Variants in DOK7 observed in about 807,000 individuals in gnomAD.
DOK7 encodes the protein docking protein 7.
Under a neutral mutation model 30.7 loss-of-function variants are expected in DOK7, and 32 were observed. The observed-to-expected ratio is 1.04, with a 90% CI of 0.79 to 1.40. DOK7 has a LOEUF of 1.40. DOK7 is among the 40% of genes most tolerant of loss of function. DOK7 has a pLI of 0.00. For missense variants in DOK7, 1,007 were observed against 699.2 expected, an observed-to-expected ratio of 1.44 and a Z score of -4.97; for synonymous variants, 447 against 324.1, an observed-to-expected ratio of 1.38 and a Z score of -4.07.
chr4:3,482,785 C>G (rs1050474940), intron 4 of DOK7, among the ~76,000 whole-genome samples: 1 of 152,216 alleles, frequency 6.6e-6, no homozygotes, highest in African/African-American at 2.4e-5. Context: ...CTATGTCTTT[C>G]CACCCAAGGC....
In DOK7 at chr4:3,492,751, T is replaced by C; in HGVS notation, c.773-8T>C. 3 of 1,612,198 alleles carry C rather than the reference T, an allele frequency of 1.9e-6. No individual in the cohort carries two copies. The highest frequency in any genetic ancestry group is 2.5e-6 in the Non-Finnish European group (3 of 1,179,942). ...CCACAACTGCCTTGGCTTCCTGCTCTGTCTCAGGGGATGACCGCAGCCTGT... is the reference window on the plus strand; with the variant it reads ...CCACAACTGCCTTGGCTTCCTGCTCCGTCTCAGGGGATGACCGCAGCCTGT... On this transcript the variant is annotated splice_polypyrimidine_tract_variant and splice_region_variant and intron_variant, in intron 6 of 6. Transcript: ENST00000340083.
At position 3,476,366 on chromosome 4, in the gene DOK7, C is replaced by T. The variant is rs1375649485; in HGVS notation, c.356C>T (p.Ala119Val). ...GEVHRFHVTV[A>V]PGTKLESGPA... is the part of the protein sequence containing the mutation. ...GTGCATAGGTTCCATGTGACAGTGG[C>T]TCCAGGCACCAAGTTGGAGAGCGGC... The change falls in exon 4 of 7, where the codon GCT becomes GTT. Residue 119 changes from alanine (A) to valine (V), a missense_variant. By Grantham distance (64) the Ala-to-Val change is moderately conservative. Coordinates refer to ENST00000340083, the MANE Select transcript of DOK7 (RefSeq NM_173660.5). 3 of 1,611,374 alleles carry T rather than the reference C, an allele frequency of 1.9e-6. No homozygotes were observed. Among genetic ancestry groups the T allele is most frequent in the East Asian group, 2.2e-5 (1 of 44,800 alleles).
chr4:3,490,356 CTCAT>C (rs1352923506), intron 6 of DOK7, among the ~76,000 whole-genome samples: 1 of 130,448 alleles, frequency 7.7e-6, no homozygotes, highest in Non-Finnish European at 1.6e-5. Context: ...TTTCCCCACA[CTCAT>C]TCATTCCTTC....
chr4:3,473,783 C>CT (rs1281695955), intron 3 of DOK7, 147 bp downstream of exon 3: 41 of 820,254 alleles, frequency 5.0e-5, no homozygotes, highest in Non-Finnish European at 6.7e-5. Context: ...GTGGACTGAG[C>CT]TCCAGCCTGG....
rs761573993 is a variant in DOK7, at chr4:3,493,478, C to G, written c.1492C>G (p.Leu498Val). 3.1e-6 allele frequency: 5 copies of G among 1,611,234 alleles called. No individual in the cohort carries two copies. The South Asian group carries it at 5.5e-5, about 18-fold the overall frequency. Residue 498 changes from leucine to valine, a missense_variant, in exon 7 of 7, where the codon CTC becomes GTC. Leu to Val is a conservative substitution (Grantham distance 32). Transcript: ENST00000340083. ...TTCGGCATGTCCAGTCTGTGGAGGA[C>G]TCAAGGTAAACCCCCCTCCTTGAGA... Reference protein sequence around the residue: ...FFSACPVCGGLKVNPPP With the variant: ...FFSACPVCGGVKVNPPP
At chr4:3,500,537 T>G in intron 7 of DOK7, 2 of 1,470,850 alleles carry the variant, frequency 1.4e-6, no homozygotes, top group South Asian at 1.3e-5. Flanking sequence ...AGGAGGCAAA[T>G]GTCCCCAACT....
chr4:3,486,241 G>A (rs1727781374), intron 5 of DOK7, among the ~76,000 whole-genome samples: 1 of 152,232 alleles, frequency 6.6e-6, no homozygotes, highest in Non-Finnish European at 1.5e-5. Context: ...GGCCAGGGAT[G>A]TTGCTGGACC....
At chr4:3,486,322 C>T (rs915339398) in intron 5 of DOK7, among the ~76,000 whole-genome samples, 1 of 152,254 alleles carries the variant, frequency 6.6e-6, no homozygotes, top group African/African-American at 2.4e-5. Flanking sequence ...CAGGTGCCTC[C>T]ATGGGCTCTC....
chr4:3,475,921 C>G (rs1195396744), intron 3 of DOK7, among the ~76,000 whole-genome samples: 1 of 152,072 alleles, frequency 6.6e-6, no homozygotes, highest in Non-Finnish European at 1.5e-5. Context: ...AAAGATAGTT[C>G]CTGGGAGGAT....
intron 4 of DOK7, among the ~76,000 whole-genome samples, chr4:3,478,142 G>A (rs990488237): frequency 5.9e-5 from 9 of 152,296 alleles, no homozygotes; most frequent in African/African-American, 1.9e-4. Context: ...TCCTTGGCAC[G>A]GGCAGGCAGC....
intron 2 of DOK7, among the ~76,000 whole-genome samples, chr4:3,466,901 G>A (rs1045475224): frequency 2.0e-5 from 3 of 152,200 alleles, no homozygotes; most frequent in Non-Finnish European, 2.9e-5. Flanking sequence ...TTTCCTTCCC[G>A]AACCAGATTG....
downstream of DOK7, among the ~76,000 whole-genome samples, chr4:3,499,280 G>GGGGTGGGGAGGTCACTGT (rs1422437353): frequency 1.3e-5 from 2 of 152,224 alleles, no homozygotes; most frequent in African/African-American, 2.4e-5. Context: ...GAGTGTGCTG[G>GGGGTGGGGAGGTCACTGT]GGGTGGGGAG....
chr4:3,479,952 T>C (rs570734827), intron 4 of DOK7, among the ~76,000 whole-genome samples: 1 of 152,362 alleles, frequency 6.6e-6, no homozygotes, highest in African/African-American at 2.4e-5. Flanking sequence ...AGCTCAGGTC[T>C]GCAGGCTCCA....
chr4:3,465,080 A>C (rs1726193772), intron 2 of DOK7, among the ~76,000 whole-genome samples: 1 of 152,216 alleles, frequency 6.6e-6, no homozygotes, highest in African/African-American at 2.4e-5. Flanking sequence ...AGGTGTCCCT[A>C]GCACCCACTG....
intron 2 of DOK7, 22 bp downstream of exon 2, chr4:3,463,573 CG>C (rs1287862196): frequency 1.3e-5 from 4 of 315,002 alleles, no homozygotes; most frequent in South Asian, 2.8e-5. Flanking sequence ...GGGCGGGGGA[CG>C]GGGGGCGCGG....
chr4:3,468,751 T>A (rs1726517534), intron 2 of DOK7, among the ~76,000 whole-genome samples: 1 of 110,582 alleles, frequency 9.0e-6, no homozygotes, highest in South Asian at 3.0e-4. Flanking sequence ...TGTATGTGTC[T>A]GTGTGCGTGT....
At position 3,476,121 on chromosome 4, in the gene DOK7, C is replaced by T. The variant is rs112795540; in HGVS notation, c.332-221C>T. ...CACCTGTCCACAGTGGCCCCTGTTG[C>T]CTCCTCTCATGATGCCCTCTCGCCC... is the stretch of plus-strand genomic sequence containing the variant. On this transcript the variant is annotated intron_variant, in intron 3 of 6. Coordinates refer to ENST00000340083, the MANE Select transcript of DOK7 (RefSeq NM_173660.5). Among the ~76,000 whole-genome samples the T allele has an allele frequency of 0.033, 4,081 of 124,804 alleles. 73 individuals are homozygous for T. The highest frequency in any genetic ancestry group is 0.04 in the Non-Finnish European group (2,160 of 54,282). 81.9% of individuals were successfully genotyped at this position (124,804 alleles called of 152,430 possible).
At chr4:3,466,879 C>T (rs1417836745) in intron 2 of DOK7, among the ~76,000 whole-genome samples, 1 of 152,216 alleles carries the variant, frequency 6.6e-6, no homozygotes, top group East Asian at 1.9e-4. Flanking sequence ...CGGGCAGGGG[C>T]ACCCTCACGC....
In DOK7 at chr4:3,478,882, G is replaced by A. The variant is rs376214234; in HGVS notation, c.532+2340G>A. ...GCCAAGCGGTGGTGTTCTCAACGCA[G>A]CACTGAGTGCAGGCCGTCTGGCTGG... On this transcript the variant is annotated intron_variant, in intron 4 of 6. Coordinates refer to ENST00000340083, the MANE Select transcript of DOK7 (RefSeq NM_173660.5). Among the ~76,000 whole-genome samples, 28 of 152,290 alleles carry A rather than the reference G, an allele frequency of 1.8e-4. No homozygotes were observed. In the East Asian group the frequency reaches 5.4e-3, roughly 29 times the overall value.
Sources: gnomAD v4.1 joint callset for allele counts (sites outside exome capture counted in the v4.1 genomes callset) on GRCh38, gnomAD v4.1.1 for gene constraint, MANE v1.5 for transcripts, NCBI Gene and HGNC (gene_info 2026-07-23, HGNC 2026-07-21) for gene names.